Variants in PIK3C2G observed in about 807,000 individuals in gnomAD.
PIK3C2G encodes phosphatidylinositol 3-kinase C2 domain-containing subunit gamma.
In PIK3C2G, 168 loss-of-function variants were observed where a neutral mutation model predicts 181.1. The ratio of observed to expected loss-of-function variants is 0.93; its 90% CI spans 0.82 to 1.05. The LOEUF (loss-of-function observed/expected upper bound fraction) is 1.05. PIK3C2G is among the 50% of genes least tolerant of loss of function. The pLI, the probability that PIK3C2G is intolerant of heterozygous loss-of-function variation, is 0.00. For synonymous variants in PIK3C2G, 573 were observed against 592.2 expected, an observed-to-expected ratio of 0.97 and a Z score of 0.47; for missense variants, 1,869 against 1,732.8, an observed-to-expected ratio of 1.08 and a Z score of -1.40.
intron 8 of PIK3C2G, among the ~76,000 whole-genome samples, chr12:18,333,931 T>A (rs1035523257): frequency 6.6e-6 from 1 of 152,140 alleles, no homozygotes; most frequent in Admixed American, 6.6e-5. Context: ...CCGTTTTGTT[T>A]GGTTTTCCAG....
chr12:18,392,099 G>A (rs1275270603), intron 15 of PIK3C2G, among the ~76,000 whole-genome samples: 1 of 152,138 alleles, frequency 6.6e-6, no homozygotes, highest in Middle Eastern at 3.2e-3. Flanking sequence ...GTTTAGGCAA[G>A]AGGCCATGAT....
intron 5 of PIK3C2G, among the ~76,000 whole-genome samples, chr12:18,298,408 C>CTTTTT (rs71061295): frequency 1.4e-3 from 187 of 138,412 alleles, no homozygotes; most frequent in African/African-American, 4.9e-3. Context: ...TGTGTTTTTT[C>CTTTTT]TTTTTTTTTT....
chr12:18,417,544 G>A (rs1478482931), intron 16 of PIK3C2G, among the ~76,000 whole-genome samples: 1 of 152,066 alleles, frequency 6.6e-6, no homozygotes, highest in Non-Finnish European at 1.5e-5. Flanking sequence ...CCACCATCCT[G>A]ATCAGTCCAC....
At chr12:18,311,532 T>G (rs1457868191) in intron 5 of PIK3C2G, among the ~76,000 whole-genome samples, 5 of 149,036 alleles carry the variant, frequency 3.4e-5, no homozygotes, top group Non-Finnish European at 7.5e-5. Flanking sequence ...TATAAAGGGG[T>G]GTGTGTGTGT....
chr12:18,297,606 T>C (rs1442331317), intron 5 of PIK3C2G, among the ~76,000 whole-genome samples: 1 of 152,020 alleles, frequency 6.6e-6, no homozygotes, highest in African/African-American at 2.4e-5. Context: ...GTCAAACTAC[T>C]GTGCTCCCAA....
downstream of PIK3C2G, among the ~76,000 whole-genome samples, chr12:18,651,905 G>A (rs1470012508): frequency 6.6e-6 from 1 of 152,128 alleles, no homozygotes; most frequent in Admixed American, 6.6e-5. Flanking sequence ...TGAGGATAAG[G>A]ACCAGCTCTT....
At chr12:18,424,174 G>A (rs1188372635) in intron 18 of PIK3C2G, 135 bp downstream of exon 18, 1 of 564,360 alleles carries the variant, frequency 1.8e-6, no homozygotes, top group Non-Finnish European at 3.2e-6. Flanking sequence ...TTGAGTCTTT[G>A]TCAATGTCAT....
At chr12:18,642,146 A>C (rs1345077829) in intron 32 of PIK3C2G, among the ~76,000 whole-genome samples, 1 of 152,136 alleles carries the variant, frequency 6.6e-6, no homozygotes, top group Non-Finnish European at 1.5e-5. Context: ...TCTTTTATAG[A>C]TGGTACCTTT....
intron 12 of PIK3C2G, among the ~76,000 whole-genome samples, chr12:18,369,314 T>A (rs1052487818): frequency 6.6e-6 from 1 of 152,154 alleles, no homozygotes; most frequent in African/African-American, 2.4e-5. Context: ...TGTAAACATA[T>A]CTCCCCATCT....
chr12:18,725,833 A>G, the PIK3C2G span, among the ~76,000 whole-genome samples: 1 of 152,078 alleles, frequency 6.6e-6, no homozygotes, highest in Non-Finnish European at 1.5e-5. Context: ...TAAATTACCA[A>G]TTTCTACTAA....
the PIK3C2G span, among the ~76,000 whole-genome samples, chr12:18,698,242 CTTCTATTCTATTCTA>C: frequency 1.9e-4 from 28 of 145,510 alleles, no homozygotes; most frequent in African/African-American, 3.6e-4. Context: ...ATACACTTTT[CTTCTATTCTATTCTA>C]TTCTATTCTA....
At chr12:18,709,257 A>G in the PIK3C2G span, among the ~76,000 whole-genome samples, 1 of 152,088 alleles carries the variant, frequency 6.6e-6, no homozygotes, top group Non-Finnish European at 1.5e-5. Flanking sequence ...TTTCAGTACC[A>G]TTTATTGAAG....
intron 1 of PIK3C2G, among the ~76,000 whole-genome samples, chr12:18,269,250 CAATTACATTAAT>C (rs780564265): frequency 2.7e-4 from 41 of 152,076 alleles, no homozygotes; most frequent in Non-Finnish European, 5.3e-4. Flanking sequence ...CTCATGCTAA[CAATTACATTAAT>C]ATTAAACATC....
At chr12:18,515,900 T>A (rs1278607727) in intron 24 of PIK3C2G, among the ~76,000 whole-genome samples, 1 of 152,028 alleles carries the variant, frequency 6.6e-6, no homozygotes, top group Admixed American at 6.6e-5. Flanking sequence ...CAGATTCTAG[T>A]AGGTTGTGTT....
At chr12:18,611,906 C>T (rs1331271793) in intron 31 of PIK3C2G, among the ~76,000 whole-genome samples, 2 of 152,096 alleles carry the variant, frequency 1.3e-5, no homozygotes, top group African/African-American at 4.8e-5. Flanking sequence ...TGCTTCTGTC[C>T]TTCTTTATAA....
upstream of PIK3C2G, among the ~76,000 whole-genome samples, chr12:18,245,408 T>A (rs1212103351): frequency 1.3e-5 from 2 of 152,096 alleles, no homozygotes; most frequent in African/African-American, 4.8e-5. Flanking sequence ...ATCATAAAAT[T>A]GTTAGATTTC....
intron 16 of PIK3C2G, among the ~76,000 whole-genome samples, chr12:18,413,257 G>A (rs1238862570): frequency 6.6e-6 from 1 of 152,044 alleles, no homozygotes; most frequent in Non-Finnish European, 1.5e-5. Flanking sequence ...GCTCAACTTG[G>A]AGGCCAATTA....
At chr12:18,364,702 A>T (rs1374560509) in intron 12 of PIK3C2G, among the ~76,000 whole-genome samples, 1 of 152,112 alleles carries the variant, frequency 6.6e-6, no homozygotes, top group Admixed American at 6.6e-5. Context: ...GTTTGAGACC[A>T]GCCTGGCCAA....
chr12:18,295,616 TG>T (rs1484952755), intron 5 of PIK3C2G, among the ~76,000 whole-genome samples: 1 of 152,066 alleles, frequency 6.6e-6, no homozygotes, highest in Non-Finnish European at 1.5e-5. Context: ...TACATGTTAA[TG>T]TTTTCATAGT....
Sources: allele counts gnomAD v4.1 joint callset (sites outside exome capture counted in the v4.1 genomes callset), GRCh38; gene constraint gnomAD v4.1.1; transcripts MANE v1.5; gene names NCBI Gene and HGNC (gene_info 2026-07-23, HGNC 2026-07-21).